The following PEPD variants were observed in gnomAD, a reference collection of about 807,000 sequenced individuals.
PEPD encodes peptidase D, also known as xaa-Pro dipeptidase.
Under a neutral mutation model 60.7 loss-of-function variants are expected in PEPD, and 53 were observed. The ratio of observed to expected loss-of-function variants is 0.87; its 90% CI spans 0.70 to 1.10. The LOEUF is 1.10. Among genes scored for constraint, PEPD ranks in the 50% least tolerant of loss-of-function variants. PEPD has a pLI of 0.00. For synonymous variants in PEPD, 267 were observed against 284.1 expected (o/e 0.94, Z 0.60); for missense variants, 711 against 711.9 (o/e 1.00, Z 0.01).
intron 9 of PEPD, among the ~76,000 whole-genome samples, chr19:33,460,285 G>A (rs1156335857): frequency 1.3e-5 from 2 of 152,118 alleles, no homozygotes; most frequent in Admixed American, 6.5e-5. Context: ...CCAAGAAGGC[G>A]CCTCCAGGCT....
chr19:33,391,388 G>A lies in PEPD; in HGVS notation c.1059C>T (p.Ala353=), dbSNP rs1300929063. 3 of 1,599,482 alleles carry A rather than the reference G, an allele frequency of 1.9e-6. No homozygotes were observed. The highest frequency in any genetic ancestry group is 2.6e-6 in the Non-Finnish European group (3 of 1,173,310). Residue 353 remains alanine (A), a synonymous_variant, in exon 13 of 15, where the codon GCC becomes GCT. Transcript: ENST00000244137. The part of the protein sequence containing the change: ...HMGILSGSVD[A]MVQAHLGAVF... ...CGGCCCCCAGGTGAGCCTGGACCAT[G>A]GCGTCCACGCTGCCGCTCAGGATGC... is the stretch of plus-strand genomic sequence containing the variant.
chr19:33,394,383 G>T (rs928119882), intron 12 of PEPD, among the ~76,000 whole-genome samples: 2 of 152,228 alleles, frequency 1.3e-5, no homozygotes, highest in Non-Finnish European at 2.9e-5. Flanking sequence ...GCCCGGCGCC[G>T]CCCAGATGTG....
intron 11 of PEPD, among the ~76,000 whole-genome samples, chr19:33,409,068 G>T (rs1413860246): frequency 6.6e-6 from 1 of 152,266 alleles, no homozygotes; most frequent in Non-Finnish European, 1.5e-5. Context: ...TACAGCTGCA[G>T]CTGGGAGATG....
At chr19:33,407,056 G>T (rs1968644579) in intron 11 of PEPD, among the ~76,000 whole-genome samples, 1 of 152,238 alleles carries the variant, frequency 6.6e-6, no homozygotes, top group South Asian at 2.1e-4. Flanking sequence ...CTGCCCACCA[G>T]CTGCATCCCG....
chr19:33,494,543 A>G (rs973278273), intron 4 of PEPD, among the ~76,000 whole-genome samples: 3 of 152,246 alleles, frequency 2.0e-5, no homozygotes, highest in African/African-American at 7.2e-5. Flanking sequence ...CTGTAATGAC[A>G]TTTGGATCAT....
intron 9 of PEPD, 164 bp downstream of exon 9, chr19:33,462,831 G>A (rs1969951827): frequency 2.6e-5 from 18 of 694,090 alleles, no homozygotes; most frequent in South Asian, 1.4e-4. Context: ...GGAGGCGGGC[G>A]CAGTCAGAAG....
intron 9 of PEPD, among the ~76,000 whole-genome samples, chr19:33,416,391 C>T (rs1320561556): frequency 1.3e-5 from 2 of 152,350 alleles, no homozygotes; most frequent in African/African-American, 4.8e-5. Context: ...GGAACAGGCT[C>T]TCCAGCAGAG....
chr19:33,462,585 T>C (rs776934054), intron 9 of PEPD, among the ~76,000 whole-genome samples: 3 of 152,222 alleles, frequency 2.0e-5, no homozygotes, highest in South Asian at 2.1e-4. Flanking sequence ...GAGCTCTTTA[T>C]GGGCCATTTA....
chr19:33,467,981 C>T (rs772939572), intron 7 of PEPD, among the ~76,000 whole-genome samples: 10 of 152,050 alleles, frequency 6.6e-5, no homozygotes, highest in Admixed American at 4.6e-4. Flanking sequence ...CATGGAGAGA[C>T]GGATACAGCG....
At chr19:33,458,200 T>C (rs1600131897) in intron 9 of PEPD, among the ~76,000 whole-genome samples, 1 of 150,452 alleles carries the variant, frequency 6.6e-6, no homozygotes, top group Non-Finnish European at 1.5e-5. Flanking sequence ...ATGGCTGTGG[T>C]GTGTGCAGGG....
chr19:33,456,354 T>C (rs874810), intron 9 of PEPD, among the ~76,000 whole-genome samples: 63,877 of 151,920 alleles, frequency 0.42, 14,289 homozygotes, highest in African/African-American at 0.58. Context: ...CCCTGGCTCT[T>C]GGGAAGGGCT....
chr19:33,476,021 G>C (rs1301571057), intron 7 of PEPD, among the ~76,000 whole-genome samples: 1 of 152,098 alleles, frequency 6.6e-6, no homozygotes, highest in Non-Finnish European at 1.5e-5. Context: ...TGCCGTGTTA[G>C]GCTAATTTTT....
At chr19:33,503,884 G>C (rs1039556907) in intron 3 of PEPD, among the ~76,000 whole-genome samples, 10 of 152,128 alleles carry the variant, frequency 6.6e-5, no homozygotes, top group African/African-American at 2.2e-4. Flanking sequence ...CATCAGTGTG[G>C]CACCTGACCT....
At chr19:33,391,652 C>A (rs892077304) in intron 12 of PEPD, among the ~76,000 whole-genome samples, 173 bp from the exon 13 acceptor site, 1 of 152,170 alleles carries the variant, frequency 6.6e-6, no homozygotes, top group East Asian at 1.9e-4. Context: ...ACTAGGGTGG[C>A]CCCCCGTGCT....
intron 9 of PEPD, among the ~76,000 whole-genome samples, chr19:33,438,965 C>G (rs1057199511): frequency 3.3e-5 from 5 of 152,240 alleles, no homozygotes; most frequent in African/African-American, 1.2e-4. Flanking sequence ...AGTGATCCAC[C>G]TGCCTTGGCC....
At chr19:33,505,130 G>A (rs557365805) in intron 3 of PEPD, among the ~76,000 whole-genome samples, 70 of 152,292 alleles carry the variant, frequency 4.6e-4, no homozygotes, top group South Asian at 2.3e-3. Context: ...TTGCTGGCTG[G>A]CTGACCACCT....
At chr19:33,450,538 A>T (rs999974915) in intron 9 of PEPD, among the ~76,000 whole-genome samples, 35 of 152,188 alleles carry the variant, frequency 2.3e-4, no homozygotes, top group Admixed American at 1.5e-3. Flanking sequence ...ACAACAAAAG[A>T]ACCCTCCAAC....
In PEPD at chr19:33,391,439, G is replaced by T; in HGVS notation, c.1008C>A (p.Ile336=). The T allele has an allele frequency of 6.4e-7, 1 of 1,559,798 alleles. No homozygotes were observed. The highest frequency in any genetic ancestry group is 8.7e-7 in the Non-Finnish European group (1 of 1,152,026). ...CCATGTGGGCCAGCTCCTCCAGGTGGATGCGGTCAGCCAGGCGGTGCATGT... is the reference window on the plus strand; with the variant it reads ...CCATGTGGGCCAGCTCCTCCAGGTGTATGCGGTCAGCCAGGCGGTGCATGT... The part of the protein sequence containing the change: ...WPDMHRLADR[I]HLEELAHMGI... Residue 336 remains isoleucine, a synonymous_variant, in exon 13 of 15, where the codon ATC becomes ATA. Transcript: ENST00000244137.
At chr19:33,462,334 G>A (rs1040737638) in intron 9 of PEPD, among the ~76,000 whole-genome samples, 10 of 152,216 alleles carry the variant, frequency 6.6e-5, no homozygotes, top group African/African-American at 1.9e-4. Flanking sequence ...ACTGGTGGGA[G>A]GTCTCGGAAT....
Sources: gnomAD v4.1 joint callset for allele counts (sites outside exome capture counted in the v4.1 genomes callset) on GRCh38, gnomAD v4.1.1 for gene constraint, MANE v1.5 for transcripts, NCBI Gene and HGNC (gene_info 2026-07-23, HGNC 2026-07-21) for gene names.